NTN1: variants seen among roughly 807,000 people sequenced by gnomAD.
NTN1 encodes the protein netrin 1.
NTN1 carries 11 observed loss-of-function variants against 54.2 expected under a neutral mutation model. That is an observed-to-expected ratio of 0.20 (90% CI 0.13 to 0.34). The LOEUF is 0.34. NTN1 is among the 10% of genes least tolerant of loss of function. NTN1 has a pLI of 1.00. For synonymous variants in NTN1, 371 were observed against 382.0 expected, an observed-to-expected ratio of 0.97 and a Z score of 0.33; for missense variants, 740 against 893.1, an observed-to-expected ratio of 0.83 and a Z score of 2.18.
intron 2 of NTN1, among the ~76,000 whole-genome samples, chr17:9,096,480 C>G (rs1194709869): frequency 1.3e-5 from 2 of 150,410 alleles, no homozygotes; most frequent in East Asian, 3.9e-4. Flanking sequence ...ACGCCATTCT[C>G]CTGCCTCAGC....
chr17:9,191,865 TAA>T (rs60675960), intron 5 of NTN1, among the ~76,000 whole-genome samples: 7,934 of 88,800 alleles, frequency 0.089, 268 homozygotes, highest in East Asian at 0.17. Context: ...TTATCGCTAC[TAA>T]AAAAAAAAAA....
chr17:9,037,782 G>A (rs1240459176), intron 2 of NTN1, among the ~76,000 whole-genome samples: 1 of 152,172 alleles, frequency 6.6e-6, no homozygotes, highest in Non-Finnish European at 1.5e-5. Context: ...TGCGATTACA[G>A]CTGCAGTTTC....
intron 2 of NTN1, among the ~76,000 whole-genome samples, chr17:9,094,569 T>TG (rs1296534014): frequency 6.6e-6 from 1 of 152,216 alleles, no homozygotes. Context: ...ATTGGCAAAT[T>TG]GCTTGTCAGA....
In NTN1 at chr17:9,221,331, G is replaced by A. The variant is rs924079739; in HGVS notation, c.1486+89G>A. On this transcript the variant is annotated intron_variant, in intron 6 of 6. Coordinates refer to ENST00000173229, the MANE Select transcript of NTN1 (RefSeq NM_004822.3). The surrounding 1 kb of genome is among the most constrained non-coding windows in gnomAD (Gnocchi z 4.5). ...GGCTGGGGTGCAGCTGGCCCCCGATGGGTGTTGGTCGTGAAGACCCTGTGA... is the reference window on the plus strand; with the variant it reads ...GGCTGGGGTGCAGCTGGCCCCCGATAGGTGTTGGTCGTGAAGACCCTGTGA... The A allele has an allele frequency of 2.2e-5, 22 of 997,340 alleles. No individual in the cohort carries two copies. The African/African-American group carries it at 3.2e-4, about 14-fold the overall frequency. The allele number at this position is 997,340 out of a possible 1,614,324, so 61.8% of individuals were successfully genotyped here.
intron 2 of NTN1, among the ~76,000 whole-genome samples, chr17:9,063,102 CT>C (rs561140679): frequency 0.056 from 8,088 of 145,540 alleles, 642 homozygotes; most frequent in African/African-American, 0.18. Context: ...TCATTAATGA[CT>C]TTTTTTTTTT....
At chr17:9,027,615 C>T (rs1243251645) in intron 2 of NTN1, among the ~76,000 whole-genome samples, 5 of 152,054 alleles carry the variant, frequency 3.3e-5, no homozygotes, top group East Asian at 3.9e-4. Context: ...TAGAACTGGG[C>T]GTGGTTCCCT....
chr17:9,221,145 G>GCCCCCCCCCCCCCCCCC lies in NTN1; in HGVS notation c.1412-22_1412-21insCCCCCCCCCCCCCCCCC. ...GCCAGCCTAATTAGTTTTTGTCTGT[G>GCCCCCCCCCCCCCCCCC]CTCCCCCCCCACCCCCCTGCAGACT... On this transcript the variant is annotated intron_variant, in intron 5 of 6. Transcript: ENST00000173229. The surrounding 1 kb of genome is among the most constrained non-coding windows in gnomAD (Gnocchi z 4.5). 1 of 1,503,980 alleles carries GCCCCCCCCCCCCCCCCC rather than the reference G, an allele frequency of 6.6e-7. No homozygotes were observed. The highest frequency in any genetic ancestry group is 1.7e-5 in the African/African-American group (1 of 58,692). 93.2% of individuals were successfully genotyped at this position (1,503,980 alleles called of 1,614,324 possible).
At chr17:9,047,076 T>G (rs921950672) in intron 2 of NTN1, among the ~76,000 whole-genome samples, 4 of 152,228 alleles carry the variant, frequency 2.6e-5, no homozygotes, top group African/African-American at 7.2e-5. Flanking sequence ...TAAAATACTT[T>G]ATTGCTAAAA....
intron 6 of NTN1, among the ~76,000 whole-genome samples, chr17:9,227,470 T>A (rs1905618549): frequency 8.3e-6 from 1 of 121,056 alleles, no homozygotes; most frequent in Non-Finnish European, 1.7e-5. Context: ...TCACACACAG[T>A]CACACACATA....
intron 2 of NTN1, among the ~76,000 whole-genome samples, chr17:9,030,143 A>G (rs2091884530): frequency 2.0e-5 from 3 of 152,140 alleles, no homozygotes; most frequent in African/African-American, 7.2e-5. Context: ...TTGATGAGAT[A>G]CAGAATGTCT....
At chr17:9,220,109 G>A (rs1905298108) in intron 5 of NTN1, among the ~76,000 whole-genome samples, 1 of 152,224 alleles carries the variant, frequency 6.6e-6, no homozygotes. Context: ...GGGGGAATCT[G>A]TCAGAGTATC....
chr17:9,192,329 G>A (rs1009302198), intron 5 of NTN1, among the ~76,000 whole-genome samples: 1 of 152,162 alleles, frequency 6.6e-6, no homozygotes, highest in Non-Finnish European at 1.5e-5. Flanking sequence ...AATGATGTGG[G>A]GAGAATATCT....
At chr17:9,040,165 A>G (rs1366634714) in intron 2 of NTN1, among the ~76,000 whole-genome samples, 7 of 152,336 alleles carry the variant, frequency 4.6e-5, no homozygotes, top group Admixed American at 2.0e-4. Context: ...GATATGGCCA[A>G]TCTTTTAGAA....
intron 2 of NTN1, among the ~76,000 whole-genome samples, chr17:9,093,565 G>T (rs1041427440): frequency 1.3e-4 from 20 of 152,312 alleles, no homozygotes; most frequent in African/African-American, 4.8e-4. Flanking sequence ...ATCTTGCTAT[G>T]TTGCCTAGGC....
chr17:9,009,831 G>A, the NTN1 span, among the ~76,000 whole-genome samples: 5 of 152,136 alleles, frequency 3.3e-5, no homozygotes, highest in African/African-American at 1.2e-4. Flanking sequence ...TGTTCCCTAG[G>A]TGTGGCTGAA....
At position 9,057,895 on chromosome 17, in the gene NTN1, G is replaced by A. The variant is rs148329562; in HGVS notation, c.1018+34504G>A. 6.3e-3 allele frequency among the ~76,000 whole-genome samples: 953 copies of A among 152,206 alleles called. 16 individuals are homozygous for A. Among genetic ancestry groups the A allele is most frequent in the African/African-American group, 0.022 (894 of 41,526 alleles). On this transcript the variant is annotated intron_variant, in intron 2 of 6. Transcript: ENST00000173229. ...TGTTTCTCCCATCATCTATTTATTT[G>A]TTTATTTTTGGAGACAGAGTCTCGC...
chr17:9,102,270 T>G (rs1398933447), intron 2 of NTN1, among the ~76,000 whole-genome samples: 1 of 152,182 alleles, frequency 6.6e-6, no homozygotes, highest in Non-Finnish European at 1.5e-5. Flanking sequence ...GACTCACAGT[T>G]CAGCATGGCT....
At chr17:9,136,771 AAC>A (rs2092282778) in intron 2 of NTN1, among the ~76,000 whole-genome samples, 1 of 152,074 alleles carries the variant, frequency 6.6e-6, no homozygotes, top group African/African-American at 2.4e-5. Flanking sequence ...GCAAGCTGGG[AAC>A]ACACACTGTG....
intron 3 of NTN1, among the ~76,000 whole-genome samples, chr17:9,170,238 A>G (rs1364610690): frequency 6.6e-6 from 1 of 152,200 alleles, no homozygotes; most frequent in Non-Finnish European, 1.5e-5. Flanking sequence ...TCCTAGGGCT[A>G]TGGTGCAGAT....
Sources: gnomAD v4.1 joint callset for allele counts (sites outside exome capture counted in the v4.1 genomes callset) on GRCh38, gnomAD v4.1.1 for gene constraint, Gnocchi (gnomAD v3.1) non-coding constraint, MANE v1.5 for transcripts, NCBI Gene and HGNC (gene_info 2026-07-23, HGNC 2026-07-21) for gene names.